MIB2: variants seen among roughly 807,000 people sequenced by gnomAD.
MIB2 encodes MIB E3 ubiquitin protein ligase 2.
Under a neutral mutation model 96.6 loss-of-function variants are expected in MIB2, and 78 were observed. That is an observed-to-expected ratio of 0.81 (90% confidence interval 0.67 to 0.97). The LOEUF (loss-of-function observed/expected upper bound fraction) is 0.97. Ranked by LOEUF, MIB2 falls within the 50% of genes least tolerant of loss-of-function variation. The pLI, the probability that MIB2 is intolerant of heterozygous loss-of-function variation, is 0.00. For missense variants in MIB2, 1,543 were observed against 1,424.0 expected (o/e 1.08, Z -1.35); for synonymous variants, 820 against 629.5 (o/e 1.30, Z -4.53).
In MIB2 at chr1:1,626,899, C is replaced by T. The variant is rs760848171; in HGVS notation, c.1140C>T (p.Val380=). Residue 380 remains valine (V), a synonymous_variant, in exon 10 of 20, where the codon GTC becomes GTT. Coordinates refer to ENST00000355826, the MANE Select transcript of MIB2 (RefSeq NM_001170687.4). The surrounding 1 kb of genome is among the most constrained non-coding windows in gnomAD (Gnocchi z 5.3). ...VFGDGNLRVA[V]AGQRWTFSPS... ...GAGACGGGAACCTGCGTGTAGCAGT[C>T]GCTGGTCAGCGGTGGACCTTCAGCC... The T allele has an allele frequency of 2.5e-6, 4 of 1,607,774 alleles. No individual in the cohort carries two copies. The highest frequency in any genetic ancestry group is 1.6e-4 in the Middle Eastern group (1 of 6,062).
In MIB2 at chr1:1,615,645, C is replaced by T; in HGVS notation, c.-130+12C>T. On this transcript the variant is annotated intron_variant, in intron 1 of 19. Coordinates refer to ENST00000355826, the MANE Select transcript of MIB2 (RefSeq NM_001170687.4). ...CCTCTCGGCTGATGGTGCGTGCGGG[C>T]GCGGATCTCCTCCCCTGGTCCTCCG... 6.4e-7 allele frequency: 1 copy of T among 1,574,502 alleles called. No individual in the cohort carries two copies. The highest frequency in any genetic ancestry group is 2.4e-5 in the East Asian group (1 of 41,816).
At chr1:1,623,987 A>G (rs777198203) in intron 4 of MIB2, 42 bp downstream of exon 4, 1 of 1,567,684 alleles carries the variant, frequency 6.4e-7, no homozygotes, top group Admixed American at 1.8e-5. Flanking sequence ...GCGGGTACCC[A>G]GGCCTTGCCA....
chr1:1,624,646 G>A (rs763846016), intron 4 of MIB2, 149 bp from the exon 5 acceptor site: 11 of 751,092 alleles, frequency 1.5e-5, no homozygotes, highest in East Asian at 8.0e-5. Flanking sequence ...CTGCTGGACC[G>A]GCCATTCCCG....
rs747404984 is a variant in MIB2, at chr1:1,630,573, G to A, written c.*43G>A. On this transcript the variant is annotated 3_prime_UTR_variant, in exon 20 of 20. Coordinates refer to ENST00000355826, the MANE Select transcript of MIB2 (RefSeq NM_001170687.4). ...GCCCGAGCTGCCTTCGCGTGCCCCC[G>A]CCCTGTGTTTTATAAAAAGAAAGAT... 4 of 1,417,248 alleles carry A rather than the reference G, an allele frequency of 2.8e-6. No homozygotes were observed. Among genetic ancestry groups the A allele is most frequent in the South Asian group, 1.4e-5 (1 of 73,272 alleles). 87.8% of individuals were successfully genotyped at this position (1,417,248 alleles called of 1,614,324 possible). A position where few individuals can be genotyped will look rare whatever the true frequency, so the allele number is the denominator to read the frequency against.
At chr1:1,619,831 A>T (rs900671154) in intron 2 of MIB2, among the ~76,000 whole-genome samples, 2 of 152,170 alleles carry the variant, frequency 1.3e-5, no homozygotes, top group African/African-American at 4.8e-5. Flanking sequence ...GCCCCAACTC[A>T]GGTGGGCTTC....
In MIB2 at chr1:1,627,212, G is replaced by A. The variant is rs1348537937; in HGVS notation, c.1374+5G>A. ...CTGCGGAGGCGCCCAGAGCAGGCAAGCTCCTGACCCCGTCCTCCCATACTG... is the reference window on the plus strand; with the variant it reads ...CTGCGGAGGCGCCCAGAGCAGGCAAACTCCTGACCCCGTCCTCCCATACTG... On this transcript the variant is annotated splice_donor_5th_base_variant and intron_variant, in intron 11 of 19. Coordinates refer to ENST00000355826, the MANE Select transcript of MIB2 (RefSeq NM_001170687.4). 1 of 1,607,370 alleles carries A rather than the reference G, an allele frequency of 6.2e-7. No individual in the cohort carries two copies. Among genetic ancestry groups the A allele is most frequent in the African/African-American group, 1.3e-5 (1 of 74,930 alleles).
At chr1:1,616,642 T>C in intron 2 of MIB2, 28 bp downstream of exon 2, 1 of 1,537,638 alleles carries the variant, frequency 6.5e-7, no homozygotes, top group African/African-American at 1.4e-5. Context: ...CGCGGCCTGA[T>C]AGTTTGCACT....
At chr1:1,615,887 A>C (rs997517709) in intron 1 of MIB2, 1 of 1,061,836 alleles carries the variant, frequency 9.4e-7, no homozygotes, top group Non-Finnish European at 1.1e-6. Context: ...GCCCGGGGCC[A>C]GCGGCGCTGG....
chr1:1,619,670 C>T (rs564985481), intron 2 of MIB2, among the ~76,000 whole-genome samples: 1 of 152,296 alleles, frequency 6.6e-6, no homozygotes, highest in South Asian at 2.1e-4. Context: ...CATCCCAGCC[C>T]CCGGGGAGAG....
At chr1:1,615,313 T>A, upstream of MIB2, 1 of 1,376,542 alleles carries the variant, frequency 7.3e-7, no homozygotes, top group East Asian at 3.0e-5. Context: ...GGCAACCGAG[T>A]GCGTCTCTAG....
At position 1,626,775 on chromosome 1, in the gene MIB2, C is replaced by T. The variant is rs547225652; in HGVS notation, c.1077+21C>T. ...CCCCTGTGAGTCCCCCTGCCACCCC[C>T]GCCGCTAGCGCCGCTGCCCCCCACA... On this transcript the variant is annotated intron_variant, in intron 9 of 19. Coordinates refer to ENST00000355826, the MANE Select transcript of MIB2 (RefSeq NM_001170687.4). This position sits in a 1 kb window ranked among gnomAD's most constrained non-coding sequence, Gnocchi z 5.3. 154 of 1,563,796 alleles carry T rather than the reference C, an allele frequency of 9.8e-5. No homozygotes were observed. Among genetic ancestry groups the T allele is most frequent in the South Asian group, 9.6e-4 (83 of 86,494 alleles).
At chr1:1,615,499 C>G (rs896975484), upstream of MIB2, 23 of 1,527,680 alleles carry the variant, frequency 1.5e-5, no homozygotes, top group Non-Finnish European at 1.7e-5. Flanking sequence ...CCTGGGCTCC[C>G]GCCCTTCGGG....
chr1:1,628,475 C>A lies in MIB2; in HGVS notation c.1969-14C>A. On this transcript the variant is annotated splice_polypyrimidine_tract_variant and intron_variant, in intron 15 of 19. Transcript: ENST00000355826. Reference sequence around the variant, plus strand: ...TGGGGTCCCTGGGCTGAGCCCGTCCCCACCCCTCCCCAGGGCCGCTGTGAC... The same window carrying A: ...TGGGGTCCCTGGGCTGAGCCCGTCCACACCCCTCCCCAGGGCCGCTGTGAC... 1 of 1,595,372 alleles carries A rather than the reference C, an allele frequency of 6.3e-7. No homozygotes were observed.
In MIB2 at chr1:1,627,828, C is replaced by T. The variant is rs745958213; in HGVS notation, c.1679C>T (p.Pro560Leu). The T allele has an allele frequency of 5.6e-6, 9 of 1,593,212 alleles. No homozygotes were observed. The African/African-American group carries it at 1.3e-4, about 23-fold the overall frequency. Reference protein sequence around the residue: ...LCERGCDVNLPDAHSDTPLHS... With the variant: ...LCERGCDVNLLDAHSDTPLHS... ...GAGCGCGGCTGTGACGTCAACCTGCCCGTGAGTGCTGCTCCCTGGCCTGGG... is the reference window on the plus strand; with the variant it reads ...GAGCGCGGCTGTGACGTCAACCTGCTCGTGAGTGCTGCTCCCTGGCCTGGG... Residue 560 changes from proline (P) to leucine (L), a missense_variant and splice_region_variant, in exon 13 of 20, where the codon CCC (proline) becomes CTC (leucine). Transcript: ENST00000355826.
At position 1,627,013 on chromosome 1, in the gene MIB2, C is replaced by T; in HGVS notation, c.1240+14C>T. On this transcript the variant is annotated intron_variant, in intron 10 of 19. Coordinates refer to ENST00000355826, the MANE Select transcript of MIB2 (RefSeq NM_001170687.4). The stretch of plus-strand genomic sequence containing the variant: ...GGGAGAACAAAAGTGCGGCACAGCT[C>T]AGGCGGCCAGTGGGAGGTGGGGCTG... The T allele has an allele frequency of 1.9e-6, 3 of 1,609,076 alleles. No homozygotes were observed. The highest frequency in any genetic ancestry group is 2.2e-5 in the South Asian group (2 of 90,532).
At chr1:1,627,894 C>T in intron 13 of MIB2, 65 bp downstream of exon 13, 4 of 1,593,138 alleles carry the variant, frequency 2.5e-6, no homozygotes, top group Non-Finnish European at 3.4e-6. Flanking sequence ...CCTGGGTTCC[C>T]TCTGCCCATG....
Position 1,626,960 on chromosome 1 carries a change from G to A in MIB2, c.1201G>A (p.Ala401Thr), listed in dbSNP as rs1386310581. 6 of 1,611,530 alleles carry A rather than the reference G, an allele frequency of 3.7e-6. No homozygotes were observed. Among genetic ancestry groups the A allele is most frequent in the Non-Finnish European group, 5.1e-6 (6 of 1,179,592 alleles). ...CLVAYRPEEDANLDVAERARE... is the reference protein window; with the variant it reads ...CLVAYRPEEDTNLDVAERARE... ...GGTGGCCTACCGGCCCGAGGAGGAT[G>A]CCAACCTGGACGTGGCCGAGCGCGC... Residue 401 changes from alanine (A) to threonine (T), a missense_variant, in exon 10 of 20, where the codon GCC (alanine) becomes ACC (threonine). Coordinates refer to ENST00000355826, the MANE Select transcript of MIB2 (RefSeq NM_001170687.4). This position sits in a 1 kb window ranked among gnomAD's most constrained non-coding sequence, Gnocchi z 5.3.
chr1:1,628,144 C>T lies in MIB2; in HGVS notation c.1806C>T (p.Thr602=), dbSNP rs762631684. 1.1e-5 allele frequency: 17 copies of T among 1,613,424 alleles called. No homozygotes were observed. The East Asian group carries it at 2.2e-4, about 21-fold the overall frequency. ...CCGCCACCAACAGCCAGGGTTTCAC[C>T]CTGCTGCACCATGCCTCCCTCAAGG... The part of the protein sequence containing the change: ...DVTATNSQGF[T]LLHHASLKGH... Residue 602 remains threonine (T), a synonymous_variant, in exon 14 of 20, where the codon ACC becomes ACT. Coordinates refer to ENST00000355826, the MANE Select transcript of MIB2 (RefSeq NM_001170687.4).
intron 19 of MIB2, 141 bp downstream of exon 19, chr1:1,629,845 G>A: frequency 1.1e-6 from 1 of 890,348 alleles, no homozygotes; most frequent in Non-Finnish European, 1.6e-6. Context: ...CTCACACCCG[G>A]CCCCCCAGCC....
Sources: gnomAD v4.1 joint callset for allele counts (sites outside exome capture counted in the v4.1 genomes callset) on GRCh38, gnomAD v4.1.1 for gene constraint, Gnocchi (gnomAD v3.1) non-coding constraint, MANE v1.5 for transcripts, NCBI Gene and HGNC (gene_info 2026-07-23, HGNC 2026-07-21) for gene names.